Variants in TIAM1 observed in about 807,000 individuals in gnomAD.
The protein encoded by TIAM1 is TIAM Rac1 associated GEF 1, also known as rho guanine nucleotide exchange factor TIAM1.
Under a neutral mutation model 163.5 loss-of-function variants are expected in TIAM1, and 65 were observed. That is an observed-to-expected ratio of 0.40 (90% confidence interval 0.33 to 0.49). The LOEUF is 0.49. Ranked by LOEUF, TIAM1 falls within the 20% of genes least tolerant of loss-of-function variation. The probability of loss-of-function intolerance (pLI) is 0.77; values close to 1 mark genes in which losing one functional copy is unlikely to be tolerated. For synonymous variants in TIAM1, 833 were observed against 810.1 expected (o/e 1.03, Z -0.48); for missense variants, 1,789 against 2,044.7 (o/e 0.87, Z 2.41).
chr21:31,461,547 G>A (rs1311779975), intron 2 of TIAM1, among the ~76,000 whole-genome samples: 2 of 152,072 alleles, frequency 1.3e-5, no homozygotes, highest in East Asian at 3.8e-4. Context: ...TTCAATTATC[G>A]ATGAAGTAAA....
intron 2 of TIAM1, among the ~76,000 whole-genome samples, chr21:31,370,852 G>C (rs1426346056): frequency 6.6e-6 from 1 of 152,112 alleles, no homozygotes; most frequent in Non-Finnish European, 1.5e-5. Flanking sequence ...TGAAAAAATA[G>C]AAAGATCTGG....
chr21:31,389,465 T>G (rs1440211360), intron 2 of TIAM1, among the ~76,000 whole-genome samples: 1 of 152,174 alleles, frequency 6.6e-6, no homozygotes, highest in Non-Finnish European at 1.5e-5. Context: ...TGCCTCGGCC[T>G]CCCAAAGTGC....
chr21:31,400,739 G>T (rs1465498286), intron 2 of TIAM1, among the ~76,000 whole-genome samples: 1 of 152,114 alleles, frequency 6.6e-6, no homozygotes, highest in Non-Finnish European at 1.5e-5. Context: ...TTACCATTTG[G>T]TTACTGTATT....
intron 3 of TIAM1, among the ~76,000 whole-genome samples, chr21:31,272,332 A>G (rs191833502): frequency 1.4e-3 from 220 of 152,326 alleles, no homozygotes; most frequent in African/African-American, 4.8e-3. Flanking sequence ...CTGTCTATAC[A>G]TAGTAAAGGA....
rs574245174 is a variant in TIAM1 at position 31,234,009 on chromosome 21, T to C, written c.1585-8059A>G. Among the ~76,000 whole-genome samples the C allele has an allele frequency of 2.6e-5, 4 of 152,302 alleles. No homozygotes were observed. In the East Asian group the frequency reaches 7.7e-4, roughly 29 times the overall value. The stretch of plus-strand genomic sequence containing the variant: ...CACAAGGCCGCTTACTGTCTGTCCA[T>C]GCTATGAAAGGTCCCAGTACTTCTA... On this transcript the variant is annotated intron_variant, in intron 6 of 27. Coordinates refer to ENST00000541036, the MANE Select transcript of TIAM1 (RefSeq NM_001353694.2).
At chr21:31,540,779 T>C (rs892639933) in intron 1 of TIAM1, among the ~76,000 whole-genome samples, 4 of 152,192 alleles carry the variant, frequency 2.6e-5, no homozygotes, top group Admixed American at 6.5e-5. Flanking sequence ...AAGATAATGA[T>C]AGTGTTTTGT....
Position 31,120,372 on chromosome 21 carries a change from A to G in TIAM1, c.4772T>C (p.Ile1591Thr). The change falls in exon 28 of 28, where the codon ATC (isoleucine) becomes ACC (threonine). Residue 1591 changes from isoleucine to threonine, a missense_variant. Coordinates refer to ENST00000541036, the MANE Select transcript of TIAM1 (RefSeq NM_001353694.2). This position sits in a 1 kb window ranked among gnomAD's most constrained non-coding sequence, Gnocchi z 4.2. ...FAPSRKLNTE[I>T] ...TCTACGGGGCAGGTGACGCAGTCAG[A>G]TCTCAGTGTTCAGTTTCCTGGAGGG... 1 of 1,605,324 alleles carries G rather than the reference A, an allele frequency of 6.2e-7. No homozygotes were observed. The highest frequency in any genetic ancestry group is 1.1e-5 in the South Asian group (1 of 89,474).
chr21:31,317,345 G>A (rs373773778), intron 2 of TIAM1, among the ~76,000 whole-genome samples: 3 of 152,034 alleles, frequency 2.0e-5, no homozygotes, highest in Non-Finnish European at 2.9e-5. Flanking sequence ...TCCCAGCTAC[G>A]CGGGAGGCTG....
At chr21:31,461,441 G>T (rs1003665841) in intron 2 of TIAM1, among the ~76,000 whole-genome samples, 1 of 152,034 alleles carries the variant, frequency 6.6e-6, no homozygotes, top group Non-Finnish European at 1.5e-5. Flanking sequence ...CTGAGATCAC[G>T]CCACTGTACT....
At chr21:31,517,062 A>AAAAAAG (rs2047407948) in intron 1 of TIAM1, among the ~76,000 whole-genome samples, 1 of 151,256 alleles carries the variant, frequency 6.6e-6, no homozygotes, top group African/African-American at 2.4e-5. Flanking sequence ...AAAAAAAAAA[A>AAAAAAG]AAAAGAAAAG....
intron 22 of TIAM1, among the ~76,000 whole-genome samples, chr21:31,140,887 G>A (rs372916661): frequency 5.8e-4 from 88 of 152,148 alleles, no homozygotes; most frequent in African/African-American, 2.1e-3. Flanking sequence ...GATCCCCAGG[G>A]TGAGGAGCTG....
At chr21:31,327,681 A>G (rs2075539223) in intron 2 of TIAM1, among the ~76,000 whole-genome samples, 1 of 149,898 alleles carries the variant, frequency 6.7e-6, no homozygotes, top group Admixed American at 6.6e-5. Flanking sequence ...AAGAAAACAG[A>G]AAAGAAGAAA....
At chr21:31,240,791 G>C (rs1055970791) in intron 6 of TIAM1, among the ~76,000 whole-genome samples, 1 of 152,238 alleles carries the variant, frequency 6.6e-6, no homozygotes, top group African/African-American at 2.4e-5. Flanking sequence ...TTGAGGAAAA[G>C]TTGGGGAATA....
At chr21:31,181,807 C>A (rs112325548) in intron 15 of TIAM1, among the ~76,000 whole-genome samples, 2,558 of 56,546 alleles carry the variant, frequency 0.045, 174 homozygotes, top group African/African-American at 0.14. Context: ...TTTTTTTTTA[C>A]GAGACAGGCC....
intron 6 of TIAM1, among the ~76,000 whole-genome samples, chr21:31,227,943 A>G (rs905881066): frequency 6.6e-6 from 1 of 151,834 alleles, no homozygotes; most frequent in African/African-American, 2.4e-5. Context: ...TCTGTCTGTC[A>G]CCAGGCTGGA....
chr21:31,285,753 C>T (rs141007566), intron 2 of TIAM1, among the ~76,000 whole-genome samples: 3,628 of 152,136 alleles, frequency 0.024, 148 homozygotes, highest in African/African-American at 0.084. Flanking sequence ...CTCAGCTACT[C>T]GGGAGGCTGA....
At chr21:31,386,709 C>T (rs985185548) in intron 2 of TIAM1, among the ~76,000 whole-genome samples, 2 of 152,076 alleles carry the variant, frequency 1.3e-5, no homozygotes, top group Admixed American at 6.5e-5. Flanking sequence ...CCAGGGAGGA[C>T]AGGCCAGGTA....
intron 6 of TIAM1, among the ~76,000 whole-genome samples, chr21:31,228,242 A>G (rs1569068880): frequency 2.0e-4 from 10 of 50,694 alleles, no homozygotes; most frequent in Non-Finnish European, 3.8e-4. Context: ...AAAAAAAAAA[A>G]AAAAAAAAAA....
intron 15 of TIAM1, among the ~76,000 whole-genome samples, chr21:31,169,300 TA>T (rs1206822130): frequency 6.7e-6 from 1 of 149,462 alleles, no homozygotes; most frequent in African/African-American, 2.4e-5. Context: ...TCTCAAATAA[TA>T]ATAATAATAA....
Sources: gnomAD v4.1 joint callset for allele counts (sites outside exome capture counted in the v4.1 genomes callset) on GRCh38, gnomAD v4.1.1 for gene constraint, Gnocchi (gnomAD v3.1) non-coding constraint, MANE v1.5 for transcripts, NCBI Gene and HGNC (gene_info 2026-07-23, HGNC 2026-07-21) for gene names.